MDGA2: variants seen among roughly 807,000 people sequenced by gnomAD.
The protein encoded by MDGA2 is MAM domain containing glycosylphosphatidylinositol anchor 2.
Under a neutral mutation model 117.8 loss-of-function variants are expected in MDGA2, and 40 were observed. The ratio of observed to expected loss-of-function variants is 0.34; its 90% CI spans 0.26 to 0.44. The LOEUF (loss-of-function observed/expected upper bound fraction) is 0.44, where lower values mean the gene tolerates loss of function less well. Ranked by LOEUF, MDGA2 falls within the 20% of genes least tolerant of loss-of-function variation. The pLI, the probability that MDGA2 is intolerant of heterozygous loss-of-function variation, is 1.00. For synonymous variants in MDGA2, 452 were observed against 439.0 expected, an observed-to-expected ratio of 1.03 and a Z score of -0.37; for missense variants, 1,123 against 1,250.6, an observed-to-expected ratio of 0.90 and a Z score of 1.54.
intron 1 of MDGA2, among the ~76,000 whole-genome samples, chr14:47,311,066 C>T (rs1889618808): frequency 6.6e-6 from 1 of 152,046 alleles, no homozygotes; most frequent in African/African-American, 2.4e-5. Flanking sequence ...ATCACAGCAC[C>T]TTAAGAGATC....
intron 2 of MDGA2, among the ~76,000 whole-genome samples, chr14:47,253,928 G>A (rs970732312): frequency 6.6e-6 from 1 of 152,244 alleles, no homozygotes; most frequent in Non-Finnish European, 1.5e-5. Context: ...TATACTCACA[G>A]GTTAAACAGC....
intron 6 of MDGA2, among the ~76,000 whole-genome samples, chr14:47,072,032 T>C (rs1207091883): frequency 3.0e-5 from 4 of 133,644 alleles, no homozygotes; most frequent in African/African-American, 8.3e-5. Context: ...TGGGTAAATA[T>C]TAAACAAGAG....
intron 1 of MDGA2, among the ~76,000 whole-genome samples, chr14:47,363,727 C>T (rs1353326675): frequency 1.3e-5 from 2 of 150,152 alleles, no homozygotes; most frequent in South Asian, 2.1e-4. Flanking sequence ...AGGAAGGAAC[C>T]GGAGGAAGAG....
intron 3 of MDGA2, among the ~76,000 whole-genome samples, chr14:47,170,183 C>T (rs1054523878): frequency 6.6e-5 from 10 of 152,056 alleles, no homozygotes; most frequent in African/African-American, 2.2e-4. Context: ...AGTCTCACTC[C>T]AAGATTTTAG....
chr14:47,547,196 G>A (rs986060134), intron 1 of MDGA2, among the ~76,000 whole-genome samples: 5 of 152,072 alleles, frequency 3.3e-5, no homozygotes, highest in African/African-American at 1.2e-4. Flanking sequence ...ATTGAATTAA[G>A]ACTCTTCTAT....
At chr14:47,152,970 A>G (rs962964734) in intron 3 of MDGA2, among the ~76,000 whole-genome samples, 1 of 152,244 alleles carries the variant, frequency 6.6e-6, no homozygotes, top group Non-Finnish European at 1.5e-5. Flanking sequence ...AGTAGGAAGT[A>G]GCACACATAA....
intron 3 of MDGA2, among the ~76,000 whole-genome samples, chr14:47,155,888 CT>C (rs55827732): frequency 2.5e-5 from 1 of 40,194 alleles, no homozygotes; most frequent in Non-Finnish European, 4.3e-5. Flanking sequence ...TCTTCTTCTT[CT>C]TTTTTTTTTT....
chr14:47,433,925 GA>G (rs1247698233), intron 1 of MDGA2, among the ~76,000 whole-genome samples: 2 of 152,072 alleles, frequency 1.3e-5, no homozygotes, highest in Non-Finnish European at 2.9e-5. Context: ...GCATGTGTTT[GA>G]AAATTTAATC....
intron 1 of MDGA2, among the ~76,000 whole-genome samples, chr14:47,612,494 A>G (rs1896870119): frequency 1.3e-5 from 2 of 152,180 alleles, no homozygotes; most frequent in African/African-American, 4.8e-5. Flanking sequence ...TAAGCTGCTC[A>G]AAGTTCTGGA....
At chr14:47,607,701 A>T (rs1483839972) in intron 1 of MDGA2, among the ~76,000 whole-genome samples, 1 of 152,158 alleles carries the variant, frequency 6.6e-6, no homozygotes, top group Non-Finnish European at 1.5e-5. Context: ...AGTTCCTTGC[A>T]TCCAGAGTAA....
rs545476102 is a variant in MDGA2 at position 47,042,592 on chromosome 14, C to T, written c.1526-7288G>A. On this transcript the variant is annotated intron_variant, in intron 7 of 16. Transcript: ENST00000399232. ...ACAGATTGGCTTCATAAGCATGAGACATGCACATGGATATACTCGGATTTT... is the reference window on the plus strand; with the variant it reads ...ACAGATTGGCTTCATAAGCATGAGATATGCACATGGATATACTCGGATTTT... Among the ~76,000 whole-genome samples the T allele has an allele frequency of 2.6e-5, 4 of 152,226 alleles. No individual in the cohort carries two copies. The South Asian group carries it at 6.2e-4, about 24-fold the overall frequency.
At chr14:47,097,679 A>G (rs184262356) in intron 5 of MDGA2, among the ~76,000 whole-genome samples, 1 of 152,124 alleles carries the variant, frequency 6.6e-6, no homozygotes, top group East Asian at 1.9e-4. Context: ...AAAATCATCT[A>G]ATTCTAATGC....
At chr14:47,612,708 T>A (rs998668731) in intron 1 of MDGA2, among the ~76,000 whole-genome samples, 1 of 152,204 alleles carries the variant, frequency 6.6e-6, no homozygotes, top group Non-Finnish European at 1.5e-5. Context: ...ACTTTGTTTT[T>A]TTCCCACAAG....
At chr14:47,466,515 C>A (rs984743408) in intron 1 of MDGA2, among the ~76,000 whole-genome samples, 3 of 152,062 alleles carry the variant, frequency 2.0e-5, no homozygotes, top group African/African-American at 7.2e-5. Flanking sequence ...AGAGAAGAAA[C>A]TTCTTTTCCA....
intron 2 of MDGA2, among the ~76,000 whole-genome samples, chr14:47,291,607 G>A (rs978611582): frequency 3.3e-5 from 5 of 152,118 alleles, no homozygotes; most frequent in African/African-American, 4.8e-5. Context: ...CCACAGTTAG[G>A]CAAAATCATC....
chr14:47,598,747 T>C (rs183983929), intron 1 of MDGA2, among the ~76,000 whole-genome samples: 189 of 152,298 alleles, frequency 1.2e-3, no homozygotes, highest in Non-Finnish European at 1.1e-3. Context: ...TGGGTATAGA[T>C]AGTGGTGATG....
At chr14:47,249,435 C>T (rs1288915440) in intron 2 of MDGA2, among the ~76,000 whole-genome samples, 2 of 152,148 alleles carry the variant, frequency 1.3e-5, no homozygotes, top group Non-Finnish European at 2.9e-5. Context: ...AATCCTCCCA[C>T]CTCGGCCTCC....
intron 1 of MDGA2, among the ~76,000 whole-genome samples, chr14:47,377,974 G>A (rs1291014464): frequency 6.6e-6 from 1 of 152,194 alleles, no homozygotes; most frequent in African/African-American, 2.4e-5. Flanking sequence ...GGGGCCAACT[G>A]ACATCTCATA....
chr14:47,130,415 A>T (rs1022339593), intron 5 of MDGA2, among the ~76,000 whole-genome samples: 3 of 152,136 alleles, frequency 2.0e-5, no homozygotes, highest in Non-Finnish European at 4.4e-5. Context: ...TCTTAGCCAA[A>T]ATCAGTGTTC....
Sources: allele counts gnomAD v4.1 joint callset (sites outside exome capture counted in the v4.1 genomes callset), GRCh38; gene constraint gnomAD v4.1.1; transcripts MANE v1.5; gene names NCBI Gene and HGNC (gene_info 2026-07-23, HGNC 2026-07-21).